SEPTIN8: variants seen among roughly 807,000 people sequenced by gnomAD.
The protein encoded by SEPTIN8 is septin-8.
In SEPTIN8, 22 loss-of-function variants were observed where a neutral mutation model predicts 53.1. That is an observed-to-expected ratio of 0.41 (90% CI 0.30 to 0.59). The LOEUF is 0.59. SEPTIN8 is among the 20% of genes least tolerant of loss of function. The pLI is 0.24. For synonymous variants in SEPTIN8, 228 were observed against 248.4 expected (o/e 0.92, Z 0.77); for missense variants, 536 against 638.7 (o/e 0.84, Z 1.73).
At chr5:132,757,060 A>T in intron 9 of SEPTIN8, 1 of 985,404 alleles carries the variant, frequency 1.0e-6, no homozygotes, top group Non-Finnish European at 1.2e-6. Context: ...ACCTTTTTAG[A>T]TACCCTCACT....
chr5:132,751,698 G>A lies in SEPTIN8; in HGVS notation c.*318C>T, dbSNP rs1259169329. The A allele has an allele frequency of 3.7e-5, 20 of 542,314 alleles. No individual in the cohort carries two copies. Among genetic ancestry groups the A allele is most frequent in the Middle Eastern group, 9.5e-4 (2 of 2,114 alleles). 33.6% of individuals were successfully genotyped at this position (542,314 alleles called of 1,614,324 possible). ...TAGTATGTTTCTATTTTTCAGAATG[G>A]AAACATTGTCATCTAGGTACTTTCC... On this transcript the variant is annotated 3_prime_UTR_variant, in exon 10 of 10. Coordinates refer to ENST00000378719, the MANE Select transcript of SEPTIN8 (RefSeq NM_001098811.2).
chr5:132,765,064 A>G (rs1756444905), intron 2 of SEPTIN8, among the ~76,000 whole-genome samples: 1 of 152,192 alleles, frequency 6.6e-6, no homozygotes, highest in Non-Finnish European at 1.5e-5. Context: ...GCTGTTTACC[A>G]TAACGTCCTT....
At position 132,751,861 on chromosome 5, in the gene SEPTIN8, C is replaced by A; in HGVS notation, c.*155G>T. ...GATAGGAATGAAAAGGGTTGGGCAA[C>A]ATTTGATGTTCCCTGATGGAAATTT... On this transcript the variant is annotated 3_prime_UTR_variant, in exon 10 of 10. Coordinates refer to ENST00000378719, the MANE Select transcript of SEPTIN8 (RefSeq NM_001098811.2). 7.4e-7 allele frequency: 1 copy of A among 1,342,364 alleles called. No individual in the cohort carries two copies. Among genetic ancestry groups the A allele is most frequent in the African/African-American group, 1.5e-5 (1 of 68,868 alleles). 83.2% of individuals were successfully genotyped at this position (1,342,364 alleles called of 1,614,324 possible). A position where few individuals can be genotyped will look rare whatever the true frequency, so the allele number is the denominator to read the frequency against.
intron 9 of SEPTIN8, chr5:132,756,207 A>C (rs1755324192): frequency 1.0e-6 from 1 of 985,332 alleles, no homozygotes; most frequent in African/African-American, 1.7e-5. Context: ...ATTTACACAT[A>C]CACAAACATA....
intron 1 of SEPTIN8, among the ~76,000 whole-genome samples, chr5:132,767,088 A>T (rs1446332131): frequency 1.3e-5 from 2 of 152,064 alleles, no homozygotes; most frequent in Non-Finnish European, 2.9e-5. Flanking sequence ...CTCTCTCTCA[A>T]CGGAGCCTCT....
chr5:132,765,226 A>G (rs967208281), intron 2 of SEPTIN8, among the ~76,000 whole-genome samples, 183 bp downstream of exon 2: 1 of 152,132 alleles, frequency 6.6e-6, no homozygotes, highest in Non-Finnish European at 1.5e-5. Context: ...ATGCTGTGTC[A>G]GGCCCTGGCT....
chr5:132,752,262 C>CCTTTGGGGT, intron 9 of SEPTIN8, 81 bp from the exon 10 acceptor site: 2 of 1,492,470 alleles, frequency 1.3e-6, no homozygotes, highest in Non-Finnish European at 1.8e-6. Context: ...CACTCTGACC[C>CCTTTGGGGT]CAAAGGGGTA....
chr5:132,770,256 G>A (rs1325962606), intron 1 of SEPTIN8, among the ~76,000 whole-genome samples: 1 of 150,372 alleles, frequency 6.7e-6, no homozygotes, highest in South Asian at 2.1e-4. Flanking sequence ...TCAGCTCACT[G>A]TAACCTCCGC....
rs372681544 is a variant in SEPTIN8, at chr5:132,760,389, C to T, written c.1286+413G>A. On this transcript the variant is annotated intron_variant, in intron 9 of 9. Coordinates refer to ENST00000378719, the MANE Select transcript of SEPTIN8 (RefSeq NM_001098811.2). This position sits in a 1 kb window ranked among gnomAD's most constrained non-coding sequence, Gnocchi z 5.2. ...GAGCCCTGCAGCTTCGCCCTCTCCA[C>T]GCTGCTCCTCACCCGTGCAGCCCCA... 2.6e-5 allele frequency among the ~76,000 whole-genome samples: 4 copies of T among 152,168 alleles called. No individual in the cohort carries two copies. Among genetic ancestry groups the T allele is most frequent in the Admixed American group, 1.3e-4 (2 of 15,278 alleles).
At chr5:132,775,904 T>A (rs1439157589) in intron 1 of SEPTIN8, 1 of 152,016 alleles carries the variant, frequency 6.6e-6, no homozygotes, top group Non-Finnish European at 1.5e-5. Flanking sequence ...TACGACCCCC[T>A]CTCCAATGGG....
intron 1 of SEPTIN8, 151 bp from the exon 2 acceptor site, chr5:132,765,680 G>C (rs1015459801): frequency 7.1e-6 from 7 of 990,168 alleles, no homozygotes; most frequent in African/African-American, 3.4e-5. Flanking sequence ...GAGTACACCC[G>C]AGCACCAACT....
intron 3 of SEPTIN8, 60 bp downstream of exon 3, chr5:132,764,164 A>AGG: frequency 1.3e-6 from 2 of 1,502,082 alleles, no homozygotes; most frequent in Non-Finnish European, 1.8e-6. Context: ...CTACTGTTAT[A>AGG]GGGGCCAATG....
rs181420021 is a variant in SEPTIN8 at position 132,751,036 on chromosome 5, G to A, written c.*980C>T. On this transcript the variant is annotated 3_prime_UTR_variant, in exon 10 of 10. Transcript: ENST00000378719. ...TGTTTACAGAGTCTACCCTAAACTC[G>A]TTTGTGCCTTTGGAACAGCTGTTTA... 2.1e-4 allele frequency: 341 copies of A among 1,603,830 alleles called. 6 individuals are homozygous for A. The South Asian group carries it at 3.4e-3, about 16-fold the overall frequency.
At chr5:132,759,871 C>T (rs1208408225) in intron 9 of SEPTIN8, among the ~76,000 whole-genome samples, 2 of 152,120 alleles carry the variant, frequency 1.3e-5, no homozygotes, top group African/African-American at 4.8e-5. Flanking sequence ...CATCTGGACT[C>T]CAGCTAAGGG....
upstream of SEPTIN8, chr5:132,778,055 G>C (rs1581211346): frequency 1.0e-6 from 1 of 985,590 alleles, no homozygotes; most frequent in African/African-American, 1.7e-5. Context: ...TAATGTCACT[G>C]CTCAAAACGT....
Position 132,751,317 on chromosome 5 carries a change from ATATC to A in SEPTIN8, c.*695_*698del, listed in dbSNP as rs1328612362. 4.1e-6 allele frequency: 1 copy of A among 246,458 alleles called. No homozygotes were observed. Among genetic ancestry groups the A allele is most frequent in the East Asian group, 9.1e-5 (1 of 10,942 alleles). 15.3% of individuals were successfully genotyped at this position (246,458 alleles called of 1,614,324 possible). On this transcript the variant is annotated 3_prime_UTR_variant, in exon 10 of 10. Coordinates refer to ENST00000378719, the MANE Select transcript of SEPTIN8 (RefSeq NM_001098811.2). ...TCCATTCTATGAATACTGTACATAA[ATATC>A]TGTCTGCTTTTGCTACACTTTACAC...
At chr5:132,775,338 T>G (rs1297574616) in intron 1 of SEPTIN8, among the ~76,000 whole-genome samples, 4 of 152,180 alleles carry the variant, frequency 2.6e-5, no homozygotes, top group Non-Finnish European at 5.9e-5. Flanking sequence ...CTCTGCTCCC[T>G]TCTTACATAG....
rs141079528 is a variant in SEPTIN8, at chr5:132,765,754, G to A, written c.31-225C>T. On this transcript the variant is annotated intron_variant, in intron 1 of 9. Transcript: ENST00000378719. The stretch of plus-strand genomic sequence containing the variant: ...GGGGGAAAGGCCCTTCCACTCTGTA[G>A]CTTTGCTCCACCTGGGATGGCCAGG... Among the ~76,000 whole-genome samples, 8 of 152,346 alleles carry A rather than the reference G, an allele frequency of 5.3e-5. No homozygotes were observed. The East Asian group carries it at 1.5e-3, about 29-fold the overall frequency.
intron 9 of SEPTIN8, chr5:132,758,341 T>A: frequency 1.4e-6 from 2 of 1,395,784 alleles, no homozygotes; most frequent in Middle Eastern, 3.7e-4. Flanking sequence ...GTTATTAAAA[T>A]TAAGCTGTAG....
Sources: allele counts gnomAD v4.1 joint callset (sites outside exome capture counted in the v4.1 genomes callset), GRCh38; gene constraint gnomAD v4.1.1; non-coding constraint Gnocchi (gnomAD v3.1); transcripts MANE v1.5; gene names NCBI Gene and HGNC (gene_info 2026-07-23, HGNC 2026-07-21).